The following MAPT variants were observed in gnomAD, a reference collection of about 807,000 sequenced individuals.
MAPT encodes microtubule-associated protein tau.
In MAPT, 34 loss-of-function variants were observed where a neutral mutation model predicts 67.9. The ratio of observed to expected loss-of-function variants is 0.50; its 90% CI spans 0.38 to 0.67. The LOEUF (loss-of-function observed/expected upper bound fraction) is 0.67. Among genes scored for constraint, MAPT ranks in the 30% least tolerant of loss-of-function variants. The pLI is 0.00. For missense variants in MAPT, 881 were observed against 1,115.2 expected, an observed-to-expected ratio of 0.79 and a Z score of 2.99; for synonymous variants, 456 against 464.5, an observed-to-expected ratio of 0.98 and a Z score of 0.23.
intron 1 of MAPT, among the ~76,000 whole-genome samples, chr17:45,901,607 G>A (rs374860671): frequency 3.9e-5 from 6 of 152,076 alleles, no homozygotes; most frequent in East Asian, 3.8e-4. Context: ...CCTTCTTATC[G>A]CTTAAATCAA....
intron 1 of MAPT, among the ~76,000 whole-genome samples, chr17:45,959,978 A>G (rs1218871501): frequency 6.6e-6 from 1 of 152,236 alleles, no homozygotes; most frequent in Non-Finnish European, 1.5e-5. Context: ...ACAAATGCTC[A>G]TGCTATAATC....
intron 1 of MAPT, among the ~76,000 whole-genome samples, chr17:45,940,585 G>T (rs940883660): frequency 1.3e-5 from 2 of 152,322 alleles, no homozygotes; most frequent in African/African-American, 2.4e-5. Context: ...GTAAGGAATA[G>T]TTGGAGGAGT....
At chr17:46,014,793 G>A (rs1234039179) in intron 11 of MAPT, among the ~76,000 whole-genome samples, 11 of 152,146 alleles carry the variant, frequency 7.2e-5, no homozygotes, top group Admixed American at 4.6e-4. Context: ...AAAATGGCGT[G>A]AACCCGGAAG....
chr17:45,943,179 A>G (rs62062773), intron 1 of MAPT, among the ~76,000 whole-genome samples: 21,829 of 152,200 alleles, frequency 0.14, 2,139 homozygotes, highest in Non-Finnish European at 0.22. Context: ...TCAGCCTCCC[A>G]AGTAGCTGGG....
intron 5 of MAPT, among the ~76,000 whole-genome samples, chr17:45,985,132 T>C (rs905820751): frequency 2.0e-5 from 3 of 151,986 alleles, no homozygotes; most frequent in Non-Finnish European, 4.4e-5. Flanking sequence ...GGTGAGACCC[T>C]GTCTCTACTA....
intron 6 of MAPT, among the ~76,000 whole-genome samples, chr17:45,987,310 T>C (rs961789820): frequency 1.3e-5 from 2 of 152,202 alleles, no homozygotes; most frequent in Non-Finnish European, 2.9e-5. Context: ...GGCAGGTTCA[T>C]GAAGTCATGC....
intron 11 of MAPT, among the ~76,000 whole-genome samples, chr17:46,018,391 T>G (rs763507386): frequency 1.2e-4 from 19 of 152,218 alleles, no homozygotes; most frequent in Non-Finnish European, 1.9e-4. Context: ...AAGGCTGGTC[T>G]CTACTTGGAA....
chr17:46,024,250 C>T lies in MAPT; in HGVS notation c.*79C>T. ...GAAAAAAAAAGAATAATGACCCGGCCCCCGCCCTCTGCCCCCAGCTGCTCC... is the reference window on the plus strand; with the variant it reads ...GAAAAAAAAAGAATAATGACCCGGCTCCCGCCCTCTGCCCCCAGCTGCTCC... On this transcript the variant is annotated 3_prime_UTR_variant, in exon 13 of 13. Transcript: ENST00000262410. 1 of 1,290,822 alleles carries T rather than the reference C, an allele frequency of 7.7e-7. No individual in the cohort carries two copies. Among genetic ancestry groups the T allele is most frequent in the Non-Finnish European group, 1.1e-6 (1 of 907,348 alleles). 80.0% of individuals were successfully genotyped at this position (1,290,822 alleles called of 1,614,324 possible). A position where few individuals can be genotyped will look rare whatever the true frequency, so the allele number is the denominator to read the frequency against.
At chr17:45,966,356 G>T (rs764819992) in intron 2 of MAPT, among the ~76,000 whole-genome samples, 6 of 152,184 alleles carry the variant, frequency 3.9e-5, no homozygotes, top group Non-Finnish European at 8.8e-5. Flanking sequence ...GGAAGGCTGA[G>T]GCAGGTGGAT....
chr17:45,901,874 T>C (rs1192039577), intron 1 of MAPT, among the ~76,000 whole-genome samples: 5 of 151,952 alleles, frequency 3.3e-5, no homozygotes, highest in African/African-American at 1.2e-4. Context: ...TGGGTTTACA[T>C]TGTGGAGTCA....
At chr17:46,018,354 A>G (rs1291195242) in intron 11 of MAPT, among the ~76,000 whole-genome samples, 1 of 149,096 alleles carries the variant, frequency 6.7e-6, no homozygotes, top group East Asian at 1.9e-4. Context: ...TCCAAACACC[A>G]TTCTAAAGGA....
intron 2 of MAPT, among the ~76,000 whole-genome samples, chr17:45,968,444 A>T (rs2071312521): frequency 6.6e-6 from 1 of 152,202 alleles, no homozygotes; most frequent in African/African-American, 2.4e-5. Flanking sequence ...AACTGGGCAC[A>T]GCTCTGTCCT....
At chr17:46,007,131 C>A (rs1307973836) in intron 9 of MAPT, among the ~76,000 whole-genome samples, 2 of 151,554 alleles carry the variant, frequency 1.3e-5, no homozygotes, top group East Asian at 3.9e-4. Context: ...AGTATATACA[C>A]CTACTATGTA....
At chr17:45,943,465 G>A (rs2068175463) in intron 1 of MAPT, among the ~76,000 whole-genome samples, 1 of 152,148 alleles carries the variant, frequency 6.6e-6, no homozygotes, top group African/African-American at 2.4e-5. Context: ...ATTTCCAACA[G>A]AATTGCCATC....
chr17:45,988,612 C>T (rs918300277), intron 6 of MAPT, among the ~76,000 whole-genome samples: 2 of 151,666 alleles, frequency 1.3e-5, no homozygotes, highest in South Asian at 4.2e-4. Context: ...CACTGACAAA[C>T]TGAAAAAAAA....
chr17:46,019,703 T>TTGA (rs942407334), intron 12 of MAPT, among the ~76,000 whole-genome samples: 8 of 151,204 alleles, frequency 5.3e-5, no homozygotes, highest in African/African-American at 1.9e-4. Flanking sequence ...CCCAGGTGAT[T>TTGA]CTTCAGTGCA....
In MAPT at chr17:45,990,033, T is replaced by C. The variant is rs1438265612; in HGVS notation, c.1563T>C (p.Thr521=). The part of the protein sequence containing the change: ...PSSPKYVSSV[T]SRTGSSGAKE... ...CTCCTAAATACGTCTCTTCTGTCAC[T>C]TCCCGAACTGGCAGTTCTGGAGCAA... is the stretch of plus-strand genomic sequence containing the variant. The change falls in exon 7 of 13, where the codon ACT becomes ACC. Residue 521 remains threonine (T), a synonymous_variant. Coordinates refer to ENST00000262410, the MANE Select transcript of MAPT (RefSeq NM_001377265.1). The C allele has an allele frequency of 1.2e-6, 2 of 1,614,068 alleles. No individual in the cohort carries two copies. The highest frequency in any genetic ancestry group is 1.7e-6 in the Non-Finnish European group (2 of 1,180,032).
intron 3 of MAPT, chr17:45,976,472 G>T (rs1343498644): frequency 6.6e-6 from 1 of 152,286 alleles, no homozygotes; most frequent in Non-Finnish European, 1.5e-5. Flanking sequence ...AGGTTCTAGA[G>T]TTGGGTGCAT....
Position 46,024,291 on chromosome 17 carries a change from T to G in MAPT, c.*120T>G. 1 of 921,650 alleles carries G rather than the reference T, an allele frequency of 1.1e-6. No individual in the cohort carries two copies. Among genetic ancestry groups the G allele is most frequent in the Non-Finnish European group, 1.7e-6 (1 of 585,874 alleles). 57.1% of individuals were successfully genotyped at this position (921,650 alleles called of 1,614,324 possible). On this transcript the variant is annotated 3_prime_UTR_variant, in exon 13 of 13. Coordinates refer to ENST00000262410, the MANE Select transcript of MAPT (RefSeq NM_001377265.1). The stretch of plus-strand genomic sequence containing the variant: ...CAGCTGCTCCTCGCAGTTCGGTTAA[T>G]TGGTTAATCACTTAACCTGCTTTTG...
Sources: allele counts gnomAD v4.1 joint callset (sites outside exome capture counted in the v4.1 genomes callset), GRCh38; gene constraint gnomAD v4.1.1; transcripts MANE v1.5; gene names NCBI Gene and HGNC (gene_info 2026-07-23, HGNC 2026-07-21).